Variants in FUZ observed in about 807,000 individuals in gnomAD.
FUZ encodes the protein fuzzy planar cell polarity protein, also known as protein fuzzy homolog.
A neutral mutation model predicts 43.1 loss-of-function variants in FUZ; 31 were observed. The observed-to-expected ratio is 0.72, with a 90% CI of 0.54 to 0.97. The LOEUF (loss-of-function observed/expected upper bound fraction) is 0.97. Ranked by LOEUF, FUZ falls within the 50% of genes least tolerant of loss-of-function variation. FUZ has a pLI of 0.00. For synonymous variants in FUZ, 274 were observed against 250.0 expected (o/e 1.10, Z -0.91); for missense variants, 539 against 543.8 (o/e 0.99, Z 0.09).
At chr19:49,811,873 C>G (rs2073812187) in intron 3 of FUZ, among the ~76,000 whole-genome samples, 174 bp from the exon 4 acceptor site, 1 of 152,024 alleles carries the variant, frequency 6.6e-6, no homozygotes, top group East Asian at 1.9e-4. Context: ...TTTGGGAGGC[C>G]AAGGTGGGTG....
chr19:49,811,770 G>A, intron 3 of FUZ, 71 bp from the exon 4 acceptor site: 2 of 1,262,616 alleles, frequency 1.6e-6, no homozygotes, highest in Non-Finnish European at 2.3e-6. Flanking sequence ...AGGAAGAGGG[G>A]GCTGGGACTC....
In FUZ at chr19:49,812,882, C is replaced by T. The variant is rs1390806969; in HGVS notation, c.111+114G>A. ...GGAACCAGGCTTATTGGTCCATTGC[C>T]TCCTCGGTCCTACAAATTCAACACT... On this transcript the variant is annotated intron_variant, in intron 1 of 10. Coordinates refer to ENST00000313777, the MANE Select transcript of FUZ (RefSeq NM_025129.5). 10 of 1,337,814 alleles carry T rather than the reference C, an allele frequency of 7.5e-6. No individual in the cohort carries two copies. In the Admixed American group the frequency reaches 1.9e-4, roughly 26 times the overall value. 82.9% of individuals were successfully genotyped at this position (1,337,814 alleles called of 1,614,324 possible).
In FUZ at chr19:49,811,665, A is replaced by G; in HGVS notation, c.353T>C (p.Ile118Thr). 6.2e-7 allele frequency: 1 copy of G among 1,614,058 alleles called. No homozygotes were observed. Among genetic ancestry groups the G allele is most frequent in the Non-Finnish European group, 8.5e-7 (1 of 1,179,980 alleles). ...CTTCTTCAGTCTCTCCACGTTGCGG[A>G]TATTGGTCAGTTCTTCAAGTCCCAC... ...LLVGLEELTN[I>T]RNVERLKKDL... The change falls in exon 4 of 11, where the codon ATC (isoleucine) becomes ACC (threonine). Residue 118 changes from isoleucine (I) to threonine (T), a missense_variant. By Grantham distance (89) the Ile-to-Thr change is moderately conservative. Transcript: ENST00000313777.
chr19:49,811,508 C>T (rs774536898), intron 4 of FUZ, 41 bp from the exon 5 acceptor site: 24 of 1,595,924 alleles, frequency 1.5e-5, no homozygotes. Flanking sequence ...TTCAAGTGGG[C>T]CCAGGGTCAG....
chr19:49,810,923 G>T, intron 5 of FUZ: 1 of 336,754 alleles, frequency 3.0e-6, no homozygotes, highest in South Asian at 2.4e-5. Flanking sequence ...GCCAAGGCAG[G>T]TGGATCACCT....
At chr19:49,812,373 G>T in intron 2 of FUZ, 38 bp from the exon 3 acceptor site, 1 of 1,570,956 alleles carries the variant, frequency 6.4e-7, no homozygotes, top group Non-Finnish European at 8.8e-7. Context: ...TCAAGGCCTG[G>T]GGAATCAGGA....
chr19:49,811,744 G>A, intron 3 of FUZ, 45 bp from the exon 4 acceptor site: 1 of 1,479,662 alleles, frequency 6.8e-7, no homozygotes, highest in Non-Finnish European at 9.5e-7. Flanking sequence ...GCTGGGACTT[G>A]AACTCCTGGG....
rs2073874344 is a variant in FUZ, at chr19:49,813,169, T to C, written c.-63A>G. On this transcript the variant is annotated 5_prime_UTR_variant, in exon 1 of 11. Transcript: ENST00000313777. ...CAGTGCGGGTCTTGGAGCATGGCGGTAATCAGAGTAACTCGGCCTGTGGTC... is the reference window on the plus strand; with the variant it reads ...CAGTGCGGGTCTTGGAGCATGGCGGCAATCAGAGTAACTCGGCCTGTGGTC... 3 of 1,397,580 alleles carry C rather than the reference T, an allele frequency of 2.1e-6. No homozygotes were observed. In the South Asian group the frequency reaches 3.7e-5, roughly 17 times the overall value. 86.6% of individuals were successfully genotyped at this position (1,397,580 alleles called of 1,614,324 possible). A position where few individuals can be genotyped will look rare whatever the true frequency, so the allele number is the denominator to read the frequency against.
upstream of FUZ, chr19:49,813,377 C>T (rs2073883045): frequency 7.3e-6 from 4 of 550,372 alleles, no homozygotes; most frequent in South Asian, 7.8e-5. Flanking sequence ...ATTGAATTTG[C>T]AAAGCTTTCT....
At chr19:49,812,399 T>A in intron 2 of FUZ, 64 bp from the exon 3 acceptor site, 1 of 1,441,978 alleles carries the variant, frequency 6.9e-7, no homozygotes, top group Non-Finnish European at 9.8e-7. Flanking sequence ...TATGTTGGAG[T>A]CCGCCCATTG....
At chr19:49,807,420 C>T in intron 10 of FUZ, 46 bp from the exon 11 acceptor site, 1 of 1,532,892 alleles carries the variant, frequency 6.5e-7, no homozygotes, top group Non-Finnish European at 8.9e-7. Context: ...AGCATGCTAA[C>T]CTTTGCAAGC....
In FUZ at chr19:49,811,691, A is replaced by G; in HGVS notation, c.327T>C (p.Leu109=). ...TATTGGTCAGTTCTTCAAGTCCCACAAGAAGGACCTAGAAGAATCATATAG... is the reference window on the plus strand; with the variant it reads ...TATTGGTCAGTTCTTCAAGTCCCACGAGAAGGACCTAGAAGAATCATATAG... ...LQMVFGAMVL[L]VGLEELTNIR... is the part of the protein sequence containing the mutation. Residue 109 remains leucine, a synonymous_variant, in exon 4 of 11, where the codon CTT becomes CTC. Coordinates refer to ENST00000313777, the MANE Select transcript of FUZ (RefSeq NM_025129.5). 6.2e-7 allele frequency: 1 copy of G among 1,613,820 alleles called. No individual in the cohort carries two copies. Among genetic ancestry groups the G allele is most frequent in the South Asian group, 1.1e-5 (1 of 91,066 alleles).
rs749953771 is a variant in FUZ at position 49,811,686 on chromosome 19, C to A, written c.332G>T (p.Gly111Val). 86 of 1,613,772 alleles carry A rather than the reference C, an allele frequency of 5.3e-5. No individual in the cohort carries two copies. Among genetic ancestry groups the A allele is most frequent in the Non-Finnish European group, 6.4e-5 (75 of 1,179,794 alleles). ...MVFGAMVLLVGLEELTNIRNV... is the reference protein window; with the variant it reads ...MVFGAMVLLVVLEELTNIRNV... ...GCGGATATTGGTCAGTTCTTCAAGT[C>A]CCACAAGAAGGACCTAGAAGAATCA... Residue 111 changes from glycine (G) to valine (V), a missense_variant, in exon 4 of 11, where the codon GGA becomes GTA. Gly to Val is a moderately radical substitution (Grantham distance 109, BLOSUM62 -3). Transcript: ENST00000313777.
rs1043804457 is a variant in FUZ at position 49,807,001 on chromosome 19, C to T, written c.*150G>A. The T allele has an allele frequency of 2.6e-5, 40 of 1,525,630 alleles. No individual in the cohort carries two copies. In the African/African-American group the frequency reaches 4.3e-4, roughly 16 times the overall value. 94.5% of individuals were successfully genotyped at this position (1,525,630 alleles called of 1,614,324 possible). On this transcript the variant is annotated 3_prime_UTR_variant, in exon 11 of 11. Transcript: ENST00000313777. ...CCCCAAGCACAGAGGGGAGAGGGGC[C>T]AGGGAAGTGGATGTCTCCTCCCCTC...
chr19:49,811,767 G>C, intron 3 of FUZ, 68 bp from the exon 4 acceptor site: 1 of 1,314,840 alleles, frequency 7.6e-7, no homozygotes, highest in Non-Finnish European at 1.1e-6. Context: ...TGAAGGAAGA[G>C]GGGGCTGGGA....
At chr19:49,808,864 CG>C in intron 7 of FUZ, 41 bp from the exon 8 acceptor site, 1 of 1,058,148 alleles carries the variant, frequency 9.5e-7, no homozygotes, top group Non-Finnish European at 1.3e-6. Context: ...CATGGGAAGG[CG>C]GGGCCGGCGG....
At chr19:49,808,527 C>T (rs781634980) in intron 9 of FUZ, 39 bp from the exon 10 acceptor site, 9 of 1,596,334 alleles carry the variant, frequency 5.6e-6, no homozygotes, top group South Asian at 3.4e-5. Context: ...AGCGCCTCCC[C>T]GGCCCACGCC....
chr19:49,810,394 G>A (rs976061399), intron 5 of FUZ, among the ~76,000 whole-genome samples: 3 of 151,994 alleles, frequency 2.0e-5, no homozygotes, highest in African/African-American at 7.2e-5. Context: ...CTGAATGTCA[G>A]CCGGGCGCGG....
rs34752826 is a variant in FUZ, at chr19:49,810,678, C to CAAAA, written c.492+681_492+684dup. Among the ~76,000 whole-genome samples the CAAAA allele has an allele frequency of 2.9e-4, 26 of 90,516 alleles. No homozygotes were observed. The South Asian group carries it at 5.9e-3, about 21-fold the overall frequency. The allele number at this position is 90,516 out of a possible 152,430, so 59.4% of individuals were successfully genotyped here. ...CCTGTGACAGTGTAAGACTCTGTCT[C>CAAAA]AAAAAAAAAAAAAAAAAAAAAATAG... On this transcript the variant is annotated intron_variant, in intron 5 of 10. Transcript: ENST00000313777.
Sources: allele counts gnomAD v4.1 joint callset (sites outside exome capture counted in the v4.1 genomes callset), GRCh38; gene constraint gnomAD v4.1.1; transcripts MANE v1.5; gene names NCBI Gene and HGNC (gene_info 2026-07-23, HGNC 2026-07-21).